Variants in SLC9A9 observed in about 807,000 individuals in gnomAD.
SLC9A9 encodes the protein solute carrier family 9 member A9, also known as sodium/hydrogen exchanger 9.
SLC9A9 carries 62 observed loss-of-function variants against 77.8 expected under a neutral mutation model. The observed-to-expected ratio is 0.80, with a 90% CI of 0.65 to 0.98. The LOEUF (loss-of-function observed/expected upper bound fraction) is 0.98. Among genes scored for constraint, SLC9A9 ranks in the 50% least tolerant of loss-of-function variants. SLC9A9 has a pLI of 0.00. For synonymous variants in SLC9A9, 320 were observed against 283.5 expected, an observed-to-expected ratio of 1.13 and a Z score of -1.29; for missense variants, 775 against 774.9, an observed-to-expected ratio of 1.00 and a Z score of 0.00.
rs113555745 is a variant in SLC9A9 at position 143,313,946 on chromosome 3, C to T, written c.1605-44966G>A. ...TCAGGCCAGGTGCAGGCATGGCTGC[C>T]CATGCCCCCCATAGCTGCCTCTCTG... On this transcript the variant is annotated intron_variant, in intron 14 of 15. Transcript: ENST00000316549. Among the ~76,000 whole-genome samples the T allele has an allele frequency of 7.2e-5, 11 of 152,288 alleles. 1 individual carries two copies. Among genetic ancestry groups the T allele is most frequent in the African/African-American group, 2.6e-4 (11 of 41,546 alleles).
intron 4 of SLC9A9, among the ~76,000 whole-genome samples, chr3:143,697,691 C>A (rs567686705): frequency 2.6e-4 from 17 of 65,624 alleles, no homozygotes; most frequent in Non-Finnish European, 2.2e-4. Context: ...TGTGTGAGTA[C>A]ACACACACAC....
intron 14 of SLC9A9, among the ~76,000 whole-genome samples, chr3:143,337,929 A>G (rs2031977178): frequency 6.6e-6 from 1 of 152,212 alleles, no homozygotes; most frequent in Admixed American, 6.5e-5. Context: ...AGTGGAGAGT[A>G]ACATGCTTTT....
intron 14 of SLC9A9, among the ~76,000 whole-genome samples, chr3:143,281,016 T>C (rs1327706815): frequency 6.6e-6 from 1 of 152,222 alleles, no homozygotes; most frequent in Non-Finnish European, 1.5e-5. Context: ...TATCTGCCAA[T>C]ATCCAGCTCT....
intron 4 of SLC9A9, among the ~76,000 whole-genome samples, chr3:143,764,683 A>G (rs2007243523): frequency 1.3e-5 from 2 of 152,150 alleles, no homozygotes; most frequent in Non-Finnish European, 2.9e-5. Context: ...TCAGCCTTCC[A>G]AATAACTGGG....
intron 9 of SLC9A9, among the ~76,000 whole-genome samples, chr3:143,502,769 A>T (rs1047087993): frequency 2.0e-5 from 3 of 152,180 alleles, no homozygotes; most frequent in Admixed American, 6.5e-5. Context: ...TAATCTCAAA[A>T]CTGCAATGAA....
intron 14 of SLC9A9, among the ~76,000 whole-genome samples, chr3:143,286,169 CTAGT>C (rs1270276180): frequency 7.9e-5 from 12 of 152,068 alleles, no homozygotes; most frequent in Non-Finnish European, 2.9e-5. Context: ...TGACTGAATG[CTAGT>C]TATTTTCTCC....
chr3:143,314,965 C>A (rs984201603), intron 14 of SLC9A9, among the ~76,000 whole-genome samples: 1 of 152,210 alleles, frequency 6.6e-6, no homozygotes, highest in African/African-American at 2.4e-5. Context: ...TCTATTAGCC[C>A]TGCAACACCT....
At chr3:143,647,913 G>A (rs2038730984) in intron 6 of SLC9A9, among the ~76,000 whole-genome samples, 1 of 152,090 alleles carries the variant, frequency 6.6e-6, no homozygotes, top group Admixed American at 6.5e-5. Context: ...GAAATCACGT[G>A]TAAAAATGGT....
chr3:143,484,626 G>A (rs1320004521), intron 11 of SLC9A9, among the ~76,000 whole-genome samples: 1 of 144,594 alleles, frequency 6.9e-6, no homozygotes, highest in Non-Finnish European at 1.6e-5. Context: ...TGAACTGGAT[G>A]GGGGTCAGGT....
intron 14 of SLC9A9, among the ~76,000 whole-genome samples, chr3:143,341,009 TA>T (rs1372796087): frequency 1.3e-5 from 2 of 152,220 alleles, no homozygotes; most frequent in Non-Finnish European, 2.9e-5. Context: ...ATAGGACACT[TA>T]ATTCTAAGAA....
chr3:143,821,032 C>T (rs78514443), intron 2 of SLC9A9, among the ~76,000 whole-genome samples: 4,675 of 152,134 alleles, frequency 0.031, 222 homozygotes, highest in African/African-American at 0.1. Context: ...CTGGGAAGGG[C>T]TGAGTCAGCA....
chr3:143,558,865 G>C (rs1289671792), intron 8 of SLC9A9, among the ~76,000 whole-genome samples: 1 of 152,126 alleles, frequency 6.6e-6, no homozygotes, highest in African/African-American at 2.4e-5. Context: ...GGAGGGGGCA[G>C]GGGCAGAATG....
At chr3:143,832,650 C>A (rs999158919) in intron 1 of SLC9A9, among the ~76,000 whole-genome samples, 1 of 151,952 alleles carries the variant, frequency 6.6e-6, no homozygotes, top group African/African-American at 2.4e-5. Flanking sequence ...ATGTCACACC[C>A]CATGGTTGGG....
chr3:143,748,019 G>A (rs910814660), intron 4 of SLC9A9, among the ~76,000 whole-genome samples: 1 of 152,130 alleles, frequency 6.6e-6, no homozygotes, highest in African/African-American at 2.4e-5. Flanking sequence ...CTAAGTCTGC[G>A]ATTGAGCCAG....
chr3:143,677,823 CTTTTTTTT>C lies in SLC9A9; in HGVS notation c.649+15361_649+15368del, dbSNP rs553429664. ...TGTCTATGAATTGCCTCTTCAGAGT[CTTTTTTTT>C]TTTTTTTTTTTTTGAGACAGAGTCT... On this transcript the variant is annotated intron_variant, in intron 5 of 15. Coordinates refer to ENST00000316549, the MANE Select transcript of SLC9A9 (RefSeq NM_173653.4). Among the ~76,000 whole-genome samples the C allele has an allele frequency of 4.5e-3, 500 of 110,272 alleles. 2 individuals are homozygous for C. The highest frequency in any genetic ancestry group is 7.1e-3 in the Non-Finnish European group (385 of 54,060). The allele number at this position is 110,272 out of a possible 152,430, so 72.3% of individuals were successfully genotyped here. A position where few individuals can be genotyped will look rare whatever the true frequency, so the allele number is the denominator to read the frequency against.
At chr3:143,633,575 A>G (rs1443877878) in intron 6 of SLC9A9, among the ~76,000 whole-genome samples, 2 of 152,136 alleles carry the variant, frequency 1.3e-5, no homozygotes, top group South Asian at 2.1e-4. Flanking sequence ...TGTTATTACA[A>G]TGATACAGTG....
chr3:143,729,662 T>A (rs1221994344), intron 4 of SLC9A9, among the ~76,000 whole-genome samples: 2 of 152,130 alleles, frequency 1.3e-5, no homozygotes, highest in Non-Finnish European at 2.9e-5. Context: ...CTCTCTGTCC[T>A]TCATCACCCC....
At chr3:143,415,415 C>G (rs1414061123) in intron 12 of SLC9A9, among the ~76,000 whole-genome samples, 1 of 152,186 alleles carries the variant, frequency 6.6e-6, no homozygotes, top group Non-Finnish European at 1.5e-5. Flanking sequence ...GGGGCTAATG[C>G]AGCCAGTGTC....
chr3:143,479,950 T>C (rs1023074081), intron 11 of SLC9A9, among the ~76,000 whole-genome samples: 4 of 152,216 alleles, frequency 2.6e-5, no homozygotes, highest in African/African-American at 9.6e-5. Flanking sequence ...GAAACTCCCA[T>C]TGTGAGTATC....
Sources: gnomAD v4.1 joint callset for allele counts (sites outside exome capture counted in the v4.1 genomes callset) on GRCh38, gnomAD v4.1.1 for gene constraint, MANE v1.5 for transcripts, NCBI Gene and HGNC (gene_info 2026-07-23, HGNC 2026-07-21) for gene names.